Variants in NUTM2B observed in about 807,000 individuals in gnomAD.
NUTM2B encodes the protein family with sequence similarity 22, member B.
Under a neutral mutation model 42.4 loss-of-function variants are expected in NUTM2B, and 2 were observed. The observed-to-expected ratio is 0.05, with a 90% CI of 0.02 to 0.15. NUTM2B has a LOEUF of 0.15. Ranked by LOEUF, NUTM2B falls within the 10% of genes least tolerant of loss-of-function variation. The probability of loss-of-function intolerance (pLI) is 1.00; values close to 1 mark genes in which losing one functional copy is unlikely to be tolerated. For missense variants in NUTM2B, 58 were observed against 952.6 expected (o/e 0.06, Z 12.36); for synonymous variants, 18 against 402.4 (o/e 0.04, Z 11.43).
At chr10:79,692,259 G>A in the NUTM2B span, among the ~76,000 whole-genome samples, 1 of 152,208 alleles carries the variant, frequency 6.6e-6, no homozygotes, top group East Asian at 1.9e-4. Context: ...TAACAGTTAT[G>A]CCATATGCAC....
the NUTM2B span, among the ~76,000 whole-genome samples, chr10:79,693,722 A>T: frequency 6.6e-6 from 1 of 152,178 alleles, no homozygotes; most frequent in Admixed American, 6.5e-5. Flanking sequence ...TTTAAGACAT[A>T]TATTATAAAA....
chr10:79,702,184 ATCT>A, upstream of NUTM2B, among the ~76,000 whole-genome samples: 1 of 152,060 alleles, frequency 6.6e-6, no homozygotes, highest in Non-Finnish European at 1.5e-5. Flanking sequence ...CTCTCCGTTG[ATCT>A]TCTCAGCTAA....
chr10:79,705,023 G>C (rs1840362865), intron 1 of NUTM2B, among the ~76,000 whole-genome samples: 2 of 150,666 alleles, frequency 1.3e-5, no homozygotes, highest in Non-Finnish European at 2.9e-5. Context: ...GACTGCATGA[G>C]GTCCTATTGA....
At chr10:79,699,551 T>G (rs1840276088), upstream of NUTM2B, among the ~76,000 whole-genome samples, 1 of 152,266 alleles carries the variant, frequency 6.6e-6, no homozygotes, top group South Asian at 2.1e-4. Flanking sequence ...CAAGTGATTC[T>G]TCTGCCTCAG....
chr10:79,707,103 T>C (rs1295456529), intron 2 of NUTM2B, among the ~76,000 whole-genome samples: 1 of 128,982 alleles, frequency 7.8e-6, no homozygotes, highest in Non-Finnish European at 1.6e-5. Context: ...TAACCCAGTA[T>C]TGATGGCCAG....
At position 79,706,097 on chromosome 10, in the gene NUTM2B, GT is replaced by G; in HGVS notation, c.440del (p.Phe147SerfsTer20). 6.3e-7 allele frequency: 1 copy of G among 1,591,360 alleles called. No individual in the cohort carries two copies. Among genetic ancestry groups the G allele is most frequent in the Non-Finnish European group, 8.6e-7 (1 of 1,169,094 alleles). On this transcript the variant is annotated frameshift_variant, in exon 2 of 7. Coordinates refer to ENST00000429828, the Ensembl canonical transcript of NUTM2B. LOFTEE classifies it high-confidence loss of function. Reference sequence around the variant, plus strand: ...CGAACCCTGGCACCTCCCTGTCTGTGTTCACGGCTCTGCCCTTCACCACACC... The same window carrying G: ...CGAACCCTGGCACCTCCCTGTCTGTGTCACGGCTCTGCCCTTCACCACACC...
At chr10:79,701,030 C>A (rs1589260740), upstream of NUTM2B, among the ~76,000 whole-genome samples, 1 of 152,332 alleles carries the variant, frequency 6.6e-6, no homozygotes, top group East Asian at 1.9e-4. Context: ...AACACCCTTG[C>A]TGAAAGGTTT....
At chr10:79,703,768 C>T in exon 1 of NUTM2B, 1 of 496,694 alleles carries the variant, frequency 2.0e-6, no homozygotes. Context: ...ACAGAACGTC[C>T]CCCACCCCTA....
chr10:79,696,696 C>T, the NUTM2B span, among the ~76,000 whole-genome samples: 4 of 152,270 alleles, frequency 2.6e-5, no homozygotes, highest in Non-Finnish European at 5.9e-5. Context: ...TTGACCAGTG[C>T]TCACTATAAC....
At chr10:79,707,412 G>A (rs1423334178) in intron 2 of NUTM2B, among the ~76,000 whole-genome samples, 1 of 132,838 alleles carries the variant, frequency 7.5e-6, no homozygotes, top group African/African-American at 3.0e-5. Flanking sequence ...CATGACAGCA[G>A]TTACGATTAC....
rs1198684198 is a variant in NUTM2B, at chr10:79,710,890, G to A, written c.1734+126G>A. 7.0e-6 allele frequency: 9 copies of A among 1,292,326 alleles called. 1 individual carries two copies. The Admixed American group carries it at 1.3e-4, about 19-fold the overall frequency. 80.1% of individuals were successfully genotyped at this position (1,292,326 alleles called of 1,614,324 possible). ...TATTTCCATGGATTTGAGTGTCTGT[G>A]TATGTGATTGTGTGTGTCTGTGTGT... On this transcript the variant is annotated intron_variant, in intron 5 of 6. Transcript: ENST00000429828.
upstream of NUTM2B, among the ~76,000 whole-genome samples, chr10:79,701,083 C>A (rs1209218592): frequency 6.6e-6 from 1 of 152,144 alleles, no homozygotes; most frequent in African/African-American, 2.4e-5. Context: ...CCTCAAATTG[C>A]ATGTCTTGCA....
At chr10:79,699,589 T>C (rs1458294570), upstream of NUTM2B, among the ~76,000 whole-genome samples, 1 of 152,176 alleles carries the variant, frequency 6.6e-6, no homozygotes, top group Non-Finnish European at 1.5e-5. Context: ...ACTACAGGCA[T>C]GCACCACCAC....
the NUTM2B span, among the ~76,000 whole-genome samples, chr10:79,695,586 C>A: frequency 6.6e-6 from 1 of 152,280 alleles, no homozygotes; most frequent in Admixed American, 6.5e-5. Context: ...TATCCCCACC[C>A]AGGAGGCAGA....
chr10:79,699,663 A>C (rs1457243632), upstream of NUTM2B, among the ~76,000 whole-genome samples: 1 of 152,162 alleles, frequency 6.6e-6, no homozygotes, highest in Non-Finnish European at 1.5e-5. Flanking sequence ...GGCTGGTCTC[A>C]AACTCCTGAC....
rs551878279 is a variant in NUTM2B, at chr10:79,705,123, G to A, written c.383-919G>A. Among the ~76,000 whole-genome samples the A allele has an allele frequency of 1.7e-3, 214 of 128,268 alleles. 54 individuals carry two copies. Among genetic ancestry groups the A allele is most frequent in the Non-Finnish European group, 1.9e-3 (118 of 60,802 alleles). 84.1% of individuals were successfully genotyped at this position (128,268 alleles called of 152,430 possible). A position where few individuals can be genotyped will look rare whatever the true frequency, so the allele number is the denominator to read the frequency against. On this transcript the variant is annotated intron_variant, in intron 1 of 6. Transcript: ENST00000429828. ...GTTGGTCACTATGTTCAGTTATTAG[G>A]AGCTCAAAGGAGAAGGGCCAGGGAT...
chr10:79,692,645 C>T, the NUTM2B span, among the ~76,000 whole-genome samples: 2 of 152,190 alleles, frequency 1.3e-5, no homozygotes, highest in African/African-American at 4.8e-5. Flanking sequence ...CAACCACAGC[C>T]CTTTCCAGTG....
the NUTM2B span, among the ~76,000 whole-genome samples, chr10:79,696,687 T>G: frequency 6.6e-6 from 1 of 152,252 alleles, no homozygotes; most frequent in Non-Finnish European, 1.5e-5. Flanking sequence ...GTCCCTGGGT[T>G]GACCAGTGCT....
chr10:79,712,127 GCCTGGCCTT>G, exon 7 of NUTM2B: 1 of 1,388,470 alleles, frequency 7.2e-7, no homozygotes. Context: ...GAACTCCCCA[GCCTGGCCTT>G]CCTCTTGGGT....
Sources: gnomAD v4.1 joint callset for allele counts (sites outside exome capture counted in the v4.1 genomes callset) on GRCh38, gnomAD v4.1.1 for gene constraint, MANE v1.5 for transcripts, NCBI Gene and HGNC (gene_info 2026-07-23, HGNC 2026-07-21) for gene names.